COL5A3: variants seen among roughly 807,000 people sequenced by gnomAD.
COL5A3 encodes the protein collagen alpha-3(V) chain.
Under a neutral mutation model 250.0 loss-of-function variants are expected in COL5A3, and 172 were observed. That is an observed-to-expected ratio of 0.69 (90% CI 0.61 to 0.78). The LOEUF is 0.78. Ranked by LOEUF, COL5A3 falls within the 30% of genes least tolerant of loss-of-function variation. COL5A3 has a pLI of 0.00. For synonymous variants in COL5A3, 937 were observed against 900.4 expected (o/e 1.04, Z -0.73); for missense variants, 2,340 against 2,334.4 (o/e 1.00, Z -0.05).
At position 9,967,372 on chromosome 19, in the gene COL5A3, C is replaced by A; in HGVS notation, c.4433G>T (p.Gly1478Val). 1 of 1,465,656 alleles carries A rather than the reference C, an allele frequency of 6.8e-7. No homozygotes were observed. Among genetic ancestry groups the A allele is most frequent in the South Asian group, 1.5e-5 (1 of 66,790 alleles). 90.8% of individuals were successfully genotyped at this position (1,465,656 alleles called of 1,614,324 possible). A position where few individuals can be genotyped will look rare whatever the true frequency, so the allele number is the denominator to read the frequency against. ...CGGGGGGCCTGGTGGGCCTGCAGGT[C>A]CAGTGTCTCCACGGGGGCCCATGGA... ...PGSMGPRGDT[G>V]PAGPPGPPGA... Residue 1478 changes from glycine to valine, a missense_variant, in exon 62 of 67, where the codon GGA becomes GTA. Physicochemically the swap from Gly to Val is moderately radical, Grantham distance 109 (BLOSUM62 -3). Transcript: ENST00000264828.
intron 44 of COL5A3, among the ~76,000 whole-genome samples, chr19:9,976,926 C>T (rs1251319512): frequency 2.0e-5 from 3 of 152,032 alleles, no homozygotes; most frequent in South Asian, 2.1e-4. Flanking sequence ...GTGCCTGCCA[C>T]GCAGAGTCAC....
intron 31 of COL5A3, among the ~76,000 whole-genome samples, chr19:9,985,508 C>T (rs906955700): frequency 2.0e-5 from 3 of 151,998 alleles, no homozygotes; most frequent in East Asian, 1.9e-4. Context: ...GATCCGCCTG[C>T]GTCTGCCGCC....
Position 9,968,023 on chromosome 19 carries a change from C to T in COL5A3, c.4368+3G>A. 3 of 1,591,622 alleles carry T rather than the reference C, an allele frequency of 1.9e-6. No individual in the cohort carries two copies. The highest frequency in any genetic ancestry group is 1.7e-4 in the Middle Eastern group (1 of 5,976). On this transcript the variant is annotated splice_donor_region_variant and intron_variant, in intron 60 of 66. Transcript: ENST00000264828. The surrounding 1 kb of genome is among the most constrained non-coding windows in gnomAD (Gnocchi z 4.1). ...TCCCACAAAAGATTCCCTGCATACT[C>T]ACCGCCACACCTGGGGGCCCAGGGT...
intron 16 of COL5A3, among the ~76,000 whole-genome samples, chr19:9,995,331 A>G (rs2087254237): frequency 6.6e-6 from 1 of 152,046 alleles, no homozygotes; most frequent in African/African-American, 2.4e-5. Context: ...CCATCTGTTC[A>G]TCTGGTTCTA....
At chr19:10,003,538 G>T in intron 6 of COL5A3, 27 bp downstream of exon 6, 1 of 1,611,624 alleles carries the variant, frequency 6.2e-7, no homozygotes, top group Non-Finnish European at 8.5e-7. Context: ...GGTCAAAACC[G>T]GAAGTGAGAG....
intron 31 of COL5A3, among the ~76,000 whole-genome samples, chr19:9,982,735 T>C (rs2087027890): frequency 6.6e-6 from 1 of 152,134 alleles, no homozygotes; most frequent in African/African-American, 2.4e-5. Flanking sequence ...TGAGTTCAGA[T>C]CAGAAAAGAC....
chr19:9,993,548 AGGGAGAAGTTG>A (rs2087226022), intron 18 of COL5A3, 60 bp downstream of exon 18: 16 of 1,584,574 alleles, frequency 1.0e-5, no homozygotes, highest in Non-Finnish European at 1.4e-5. Flanking sequence ...TCTGATACTG[AGGGAGAAGTTG>A]GGGGGGCTTG....
rs568292252 is a variant in COL5A3, at chr19:10,000,851, A to G, written c.1110+673T>C. On this transcript the variant is annotated intron_variant, in intron 8 of 66. Transcript: ENST00000264828. ...TAAAATAACACAGGAACAGAAGACC[A>G]TATACCACATGTTCTCACTTATAAG... Among the ~76,000 whole-genome samples the G allele has an allele frequency of 1.1e-4, 17 of 152,298 alleles. No homozygotes were observed. The South Asian group carries it at 2.7e-3, about 24-fold the overall frequency.
chr19:9,969,948 G>T, intron 54 of COL5A3, 26 bp from the exon 55 acceptor site: 1 of 1,610,890 alleles, frequency 6.2e-7, no homozygotes, highest in Non-Finnish European at 8.5e-7. Flanking sequence ...CAGTGAGGGG[G>T]GTCTAGGGGC....
chr19:9,972,876 G>C (rs2086872990), intron 51 of COL5A3, 43 bp downstream of exon 51: 9 of 1,414,186 alleles, frequency 6.4e-6, no homozygotes, highest in Non-Finnish European at 8.6e-6. Context: ...GTACATTCAA[G>C]TGCCCCCTCC....
chr19:9,987,467 T>C (rs1036816918), intron 27 of COL5A3, among the ~76,000 whole-genome samples: 2 of 152,132 alleles, frequency 1.3e-5, no homozygotes, highest in African/African-American at 4.8e-5. Context: ...CTGGGCATGG[T>C]GGCTTACACC....
Position 10,005,586 on chromosome 19 carries a change from G to A in COL5A3, c.566C>T (p.Thr189Ile). The A allele has an allele frequency of 6.2e-7, 1 of 1,614,142 alleles. No individual in the cohort carries two copies. The highest frequency in any genetic ancestry group is 1.1e-5 in the South Asian group (1 of 91,078). The stretch of plus-strand genomic sequence containing the variant: ...GAAAGTCTTTTCCCCAAGGTCCTGG[G>A]TCCCCAGCACAGTGAGTCCAGCTAT... ...ISIAGLTVLGTQDLGEKTFEG... is the reference protein window; with the variant it reads ...ISIAGLTVLGIQDLGEKTFEG... Residue 189 changes from threonine (T) to isoleucine (I), a missense_variant, in exon 4 of 67, where the codon ACC becomes ATC. Thr to Ile is a moderately conservative substitution (Grantham distance 89). Coordinates refer to ENST00000264828, the MANE Select transcript of COL5A3 (RefSeq NM_015719.4).
rs1462947054 is a variant in COL5A3, at chr19:10,005,464, T to C, written c.594+94A>G. 43 of 1,315,224 alleles carry C rather than the reference T, an allele frequency of 3.3e-5. No homozygotes were observed. The East Asian group carries it at 9.5e-4, about 29-fold the overall frequency. 81.5% of individuals were successfully genotyped at this position (1,315,224 alleles called of 1,614,324 possible). A position where few individuals can be genotyped will look rare whatever the true frequency, so the allele number is the denominator to read the frequency against. ...AGCTTCCTGGGGATAGATTGAAGCT[T>C]GACATCTTCCTTCTTTAATATCCTC... On this transcript the variant is annotated intron_variant, in intron 4 of 66. Transcript: ENST00000264828.
intron 1 of COL5A3, among the ~76,000 whole-genome samples, chr19:10,008,449 G>GGA (rs1555742765): frequency 6.6e-6 from 1 of 151,730 alleles, no homozygotes; most frequent in Non-Finnish European, 1.5e-5. Context: ...AAGGGGTGGG[G>GGA]GGGTCTGTCA....
chr19:9,999,136 T>TTTCCTTCCTTCC (rs142456677), intron 8 of COL5A3, among the ~76,000 whole-genome samples: 16,948 of 126,454 alleles, frequency 0.13, 1,269 homozygotes, highest in African/African-American at 0.16. Flanking sequence ...CTCTCTCTTT[T>TTTCCTTCCTTCC]TTCCTTCCTT....
intron 1 of COL5A3, among the ~76,000 whole-genome samples, chr19:10,007,220 C>T (rs1360694280): frequency 1.3e-5 from 2 of 151,290 alleles, no homozygotes; most frequent in East Asian, 3.9e-4. Flanking sequence ...CTGACATTCC[C>T]TTCTGATCAA....
At position 9,968,599 on chromosome 19, in the gene COL5A3, CT is replaced by C; in HGVS notation, c.4206+75del. 6.3e-7 allele frequency: 1 copy of C among 1,585,082 alleles called. No individual in the cohort carries two copies. Among genetic ancestry groups the C allele is most frequent in the East Asian group, 2.2e-5 (1 of 44,680 alleles). ...GTTTGGGAGCAGAGGATGCACCAAT[CT>C]CCCAGCCCCCCAGCCAGGGAGGGAG... On this transcript the variant is annotated intron_variant, in intron 58 of 66. Transcript: ENST00000264828. The surrounding 1 kb of genome is among the most constrained non-coding windows in gnomAD (Gnocchi z 4.1).
At position 9,970,599 on chromosome 19, in the gene COL5A3, C is replaced by T. The variant is rs546414820; in HGVS notation, c.3936+23G>A. 1.8e-5 allele frequency: 25 copies of T among 1,411,638 alleles called. No individual in the cohort carries two copies. In the African/African-American group the frequency reaches 2.7e-4, roughly 15 times the overall value. 87.4% of individuals were successfully genotyped at this position (1,411,638 alleles called of 1,614,324 possible). A position where few individuals can be genotyped will look rare whatever the true frequency, so the allele number is the denominator to read the frequency against. On this transcript the variant is annotated intron_variant, in intron 54 of 66. Coordinates refer to ENST00000264828, the MANE Select transcript of COL5A3 (RefSeq NM_015719.4). ...TGGGGGCTGTAGATAAGCTGAGGAC[C>T]CAGGAGGTGGCTTATCACTTACCCT... is the stretch of plus-strand genomic sequence containing the variant.
At chr19:9,975,715 T>C (rs2086909351) in intron 45 of COL5A3, among the ~76,000 whole-genome samples, 1 of 151,740 alleles carries the variant, frequency 6.6e-6, no homozygotes, top group African/African-American at 2.4e-5. Flanking sequence ...TGGAGTTGAG[T>C]TCACATTGGG....
Sources: gnomAD v4.1 joint callset for allele counts (sites outside exome capture counted in the v4.1 genomes callset) on GRCh38, gnomAD v4.1.1 for gene constraint, Gnocchi (gnomAD v3.1) non-coding constraint, MANE v1.5 for transcripts, NCBI Gene and HGNC (gene_info 2026-07-23, HGNC 2026-07-21) for gene names.